KCTD17: variants seen among roughly 807,000 people sequenced by gnomAD.
KCTD17 encodes potassium channel tetramerization domain containing 17, also known as BTB/POZ domain-containing protein KCTD17.
Under a neutral mutation model 41.5 loss-of-function variants are expected in KCTD17, and 20 were observed. The ratio of observed to expected loss-of-function variants is 0.48; its 90% CI spans 0.34 to 0.70. KCTD17 has a LOEUF of 0.70. Ranked by LOEUF, KCTD17 falls within the 30% of genes least tolerant of loss-of-function variation. The pLI is 0.01. For missense variants in KCTD17, 317 were observed against 427.2 expected (o/e 0.74, Z 2.27); for synonymous variants, 156 against 173.8 (o/e 0.90, Z 0.80).
chr22:37,056,535 G>A (rs774284734), intron 3 of KCTD17, 124 bp downstream of exon 3: 41 of 751,446 alleles, frequency 5.5e-5, no homozygotes, highest in Middle Eastern at 3.6e-4. Flanking sequence ...TGGGGAGGCC[G>A]AGCTGGCCTG....
At chr22:37,060,364 T>A (rs1487336222) in intron 5 of KCTD17, among the ~76,000 whole-genome samples, 1 of 149,668 alleles carries the variant, frequency 6.7e-6, no homozygotes, top group East Asian at 2.1e-4. Flanking sequence ...CTGCTCCTTC[T>A]GCCTCTTTGG....
At chr22:37,054,889 C>T (rs1924914745) in intron 2 of KCTD17, 1 of 152,164 alleles carries the variant, frequency 6.6e-6, no homozygotes, top group Non-Finnish European at 1.5e-5. Flanking sequence ...AAATGTGAGC[C>T]CCATCTTAGC....
chr22:37,052,731 A>G, intron 1 of KCTD17: 2 of 455,234 alleles, frequency 4.4e-6, no homozygotes, highest in Non-Finnish European at 9.0e-6. Flanking sequence ...CTGAAAGCCT[A>G]GGGACCTGGG....
intron 3 of KCTD17, among the ~76,000 whole-genome samples, chr22:37,057,067 A>G (rs537678800): frequency 1.3e-5 from 2 of 152,192 alleles, no homozygotes; most frequent in East Asian, 3.9e-4. Context: ...AGCCCCACCC[A>G]TGTTCTTTCT....
chr22:37,061,521 C>CA lies in KCTD17; in HGVS notation c.785-17dup. On this transcript the variant is annotated splice_polypyrimidine_tract_variant and intron_variant, in intron 7 of 8. Transcript: ENST00000403888. This position sits in a 1 kb window ranked among gnomAD's most constrained non-coding sequence, Gnocchi z 6.6. ...CCTCCTCTCCTCCCGGCCTCCTCCT[C>CA]ACGTTTCCTCCTTGCAGGTTCCCGT... The CA allele has an allele frequency of 6.3e-7, 1 of 1,598,470 alleles. No individual in the cohort carries two copies. Among genetic ancestry groups the CA allele is most frequent in the Non-Finnish European group, 8.5e-7 (1 of 1,178,300 alleles).
chr22:37,051,937 G>C lies in KCTD17; in HGVS notation c.177G>C (p.Leu59=). The C allele has an allele frequency of 6.7e-7, 1 of 1,492,212 alleles. No homozygotes were observed. Among genetic ancestry groups the C allele is most frequent in the Admixed American group, 2.1e-5 (1 of 47,536 alleles). 92.4% of individuals were successfully genotyped at this position (1,492,212 alleles called of 1,614,324 possible). A position where few individuals can be genotyped will look rare whatever the true frequency, so the allele number is the denominator to read the frequency against. ...GCCGCCTGTGCCAGGGGGAAGAGCTGCAGTCGGACCGGGTGAGGCCCCCGG... is the reference window on the plus strand; with the variant it reads ...GCCGCCTGTGCCAGGGGGAAGAGCTCCAGTCGGACCGGGTGAGGCCCCCGG... ...FLSRLCQGEE[L]QSDRDETGAY... is the part of the protein sequence containing the mutation. Residue 59 remains leucine, a synonymous_variant, in exon 1 of 9, where the codon CTG becomes CTC. Coordinates refer to ENST00000403888, the MANE Select transcript of KCTD17 (RefSeq NM_001282684.2).
intron 2 of KCTD17, among the ~76,000 whole-genome samples, chr22:37,054,463 G>A (rs952979383): frequency 6.6e-6 from 1 of 151,776 alleles, no homozygotes; most frequent in African/African-American, 2.4e-5. Flanking sequence ...CTATCCGGAG[G>A]CTAGGGGATC....
chr22:37,062,795 G>A lies in KCTD17; in HGVS notation c.*201G>A. 8.3e-7 allele frequency: 1 copy of A among 1,205,852 alleles called. No individual in the cohort carries two copies. Among genetic ancestry groups the A allele is most frequent in the Non-Finnish European group, 1.1e-6 (1 of 896,028 alleles). The allele number at this position is 1,205,852 out of a possible 1,614,324, so 74.7% of individuals were successfully genotyped here. ...AGAGTGGACTGCTCATGGCAGATGT[G>A]TGGCAATGTCTGGCTGTGTCTCTCC... On this transcript the variant is annotated 3_prime_UTR_variant, in exon 9 of 9. Transcript: ENST00000403888.
At position 37,062,785 on chromosome 22, in the gene KCTD17, T is replaced by C; in HGVS notation, c.*191T>C. 1 of 1,272,660 alleles carries C rather than the reference T, an allele frequency of 7.9e-7. No homozygotes were observed. Among genetic ancestry groups the C allele is most frequent in the African/African-American group, 1.5e-5 (1 of 66,402 alleles). The allele number at this position is 1,272,660 out of a possible 1,614,324, so 78.8% of individuals were successfully genotyped here. A position where few individuals can be genotyped will look rare whatever the true frequency, so the allele number is the denominator to read the frequency against. On this transcript the variant is annotated 3_prime_UTR_variant, in exon 9 of 9. Coordinates refer to ENST00000403888, the MANE Select transcript of KCTD17 (RefSeq NM_001282684.2). ...ACCTCTGGGCAGAGTGGACTGCTCA[T>C]GGCAGATGTGTGGCAATGTCTGGCT...
At position 37,060,962 on chromosome 22, in the gene KCTD17, C is replaced by T. The variant is rs1040285668; in HGVS notation, c.712+40C>T. 13 of 1,535,938 alleles carry T rather than the reference C, an allele frequency of 8.5e-6. No individual in the cohort carries two copies. In the African/African-American group the frequency reaches 9.6e-5, roughly 11 times the overall value. The stretch of plus-strand genomic sequence containing the variant: ...CAGGAGGATGATTGCTAAGCAAAGC[C>T]GGAGCCTCCCGCCCACTCCTTGCTG... On this transcript the variant is annotated intron_variant, in intron 6 of 8. Coordinates refer to ENST00000403888, the MANE Select transcript of KCTD17 (RefSeq NM_001282684.2).
intron 5 of KCTD17, among the ~76,000 whole-genome samples, chr22:37,060,288 C>T (rs1925619588): frequency 6.6e-6 from 1 of 152,184 alleles, no homozygotes; most frequent in African/African-American, 2.4e-5. Flanking sequence ...TGTGACGCAC[C>T]CTGCCTGCCC....
chr22:37,051,824 TG>T lies in KCTD17; in HGVS notation c.68del (p.Gly23AlafsTer14). ...GGCGGGCGGCCGCGCCGCAGGCGGC[TG>T]GGGCAAGTGGGTGCGGCTCAACGTG... Reference protein sequence around the residue: ...AGAGGRAAGGWGKWVRLNVGG... With the variant: ...AGAGGRAAGGXGKWVRLNVGG... On this transcript the variant is annotated frameshift_variant, in exon 1 of 9. Coordinates refer to ENST00000403888, the MANE Select transcript of KCTD17 (RefSeq NM_001282684.2). LOFTEE classifies it high-confidence loss of function. 2 of 1,337,550 alleles carry T rather than the reference TG, an allele frequency of 1.5e-6. No homozygotes were observed. Among genetic ancestry groups the T allele is most frequent in the Non-Finnish European group, 1.9e-6 (2 of 1,040,064 alleles). 82.9% of individuals were successfully genotyped at this position (1,337,550 alleles called of 1,614,324 possible). A position where few individuals can be genotyped will look rare whatever the true frequency, so the allele number is the denominator to read the frequency against.
chr22:37,062,448 G>GC (rs1925903819), intron 8 of KCTD17, 77 bp from the exon 9 acceptor site: 2 of 1,261,402 alleles, frequency 1.6e-6, no homozygotes, highest in Admixed American at 3.3e-5. Context: ...CCGCCCCCTT[G>GC]CCCTGCATCA....
intron 3 of KCTD17, 171 bp from the exon 4 acceptor site, chr22:37,057,227 G>C (rs1279978789): frequency 2.9e-6 from 2 of 678,916 alleles, no homozygotes; most frequent in Non-Finnish European, 5.4e-6. Context: ...GTAAATGCCT[G>C]GTGAGGAGCA....
intron 5 of KCTD17, among the ~76,000 whole-genome samples, chr22:37,060,578 CA>C (rs777914529): frequency 6.6e-6 from 1 of 152,188 alleles, no homozygotes; most frequent in Non-Finnish European, 1.5e-5. Context: ...CTCTATGTAA[CA>C]GCAGCCAGGC....
intron 2 of KCTD17, among the ~76,000 whole-genome samples, chr22:37,055,984 C>T (rs556959249): frequency 5.4e-4 from 82 of 152,320 alleles, no homozygotes; most frequent in Admixed American, 4.7e-3. Flanking sequence ...TCAGGCAAGG[C>T]CCTGCTCATG....
chr22:37,055,635 TGGGGACA>T (rs1350492688), intron 2 of KCTD17, among the ~76,000 whole-genome samples: 7 of 152,174 alleles, frequency 4.6e-5, no homozygotes, highest in Non-Finnish European at 8.8e-5. Context: ...AACTGTAAGA[TGGGGACA>T]GTAATGCCTG....
intron 1 of KCTD17, 148 bp from the exon 2 acceptor site, chr22:37,052,952 A>T: frequency 1.6e-6 from 1 of 639,534 alleles, no homozygotes; most frequent in South Asian, 1.8e-5. Flanking sequence ...ACTCAGGTCC[A>T]TCTGACCCCA....
intron 4 of KCTD17, among the ~76,000 whole-genome samples, chr22:37,058,382 C>T (rs545299767): frequency 6.6e-6 from 1 of 152,352 alleles, no homozygotes; most frequent in Non-Finnish European, 1.5e-5. Flanking sequence ...ACCCAGTTCC[C>T]TCATCGGTGA....
Sources: gnomAD v4.1 joint callset for allele counts (sites outside exome capture counted in the v4.1 genomes callset) on GRCh38, gnomAD v4.1.1 for gene constraint, Gnocchi (gnomAD v3.1) non-coding constraint, MANE v1.5 for transcripts, NCBI Gene and HGNC (gene_info 2026-07-23, HGNC 2026-07-21) for gene names.